The following CHLSN variants were observed in gnomAD, a reference collection of about 807,000 sequenced individuals.
CHLSN encodes the protein protein cholesin.
At chr7:1,114,675 G>A in the CHLSN span, among the ~76,000 whole-genome samples, 3 of 152,262 alleles carry the variant, frequency 2.0e-5, no homozygotes, top group Non-Finnish European at 4.4e-5. Context: ...GTGAGGGAAA[G>A]AGATGGTGAT....
At chr7:1,085,678 TAAAAAA>T in the CHLSN span, among the ~76,000 whole-genome samples, 1 of 129,320 alleles carries the variant, frequency 7.7e-6, no homozygotes, top group African/African-American at 2.9e-5. Context: ...ACAAAAAAAT[TAAAAAA>T]AAAAAAAAAA....
the CHLSN span, chr7:1,028,814 A>G: frequency 2.9e-6 from 2 of 682,764 alleles, no homozygotes; most frequent in Non-Finnish European, 3.4e-6. Context: ...ATCTGACTCC[A>G]TGGCCCCCAT....
chr7:1,013,928 A>G, the CHLSN span, among the ~76,000 whole-genome samples: 2 of 152,226 alleles, frequency 1.3e-5, no homozygotes, highest in East Asian at 3.8e-4. Context: ...AAAATGCATA[A>G]AACAATTCAA....
the CHLSN span, among the ~76,000 whole-genome samples, chr7:1,037,577 C>A: frequency 1.4e-5 from 2 of 146,680 alleles, no homozygotes; most frequent in Non-Finnish European, 3.1e-5. Flanking sequence ...AGTGCAGTGG[C>A]GTGAATCTCG....
the CHLSN span, among the ~76,000 whole-genome samples, chr7:994,850 C>T: frequency 3.9e-5 from 6 of 152,252 alleles, no homozygotes; most frequent in Admixed American, 2.0e-4. Context: ...CACAGCCCAT[C>T]GCTTATGGCC....
chr7:1,102,847 G>C, the CHLSN span, among the ~76,000 whole-genome samples: 59 of 152,256 alleles, frequency 3.9e-4, no homozygotes, highest in Non-Finnish European at 6.6e-4. Context: ...AGAATCAGGG[G>C]CTTCAGTAAG....
the CHLSN span, among the ~76,000 whole-genome samples, chr7:991,057 G>A: frequency 8.8e-4 from 133 of 151,784 alleles, 1 homozygote; most frequent in Non-Finnish European, 1.5e-3. Flanking sequence ...GGGGACCCTC[G>A]GGCCCCCGCC....
chr7:1,123,261 GT>G, the CHLSN span, among the ~76,000 whole-genome samples: 1 of 152,252 alleles, frequency 6.6e-6, no homozygotes, highest in African/African-American at 2.4e-5. This position sits in a 1 kb window ranked among gnomAD's most constrained non-coding sequence, Gnocchi z 4.4. Flanking sequence ...GGGCGATGAA[GT>G]TCCCATCACT....
chr7:1,071,916 C>T, the CHLSN span, among the ~76,000 whole-genome samples: 11 of 152,342 alleles, frequency 7.2e-5, no homozygotes, highest in African/African-American at 2.4e-4. Flanking sequence ...AGGCCCAGGC[C>T]GCACGGCCGC....
the CHLSN span, among the ~76,000 whole-genome samples, chr7:978,796 C>G: frequency 6.6e-6 from 1 of 152,276 alleles, no homozygotes; most frequent in Non-Finnish European, 1.5e-5. Flanking sequence ...GCACCCCAAG[C>G]TTAGCAGCAG....
chr7:1,032,716 C>A, the CHLSN span, among the ~76,000 whole-genome samples: 2 of 152,392 alleles, frequency 1.3e-5, no homozygotes, highest in East Asian at 3.9e-4. Flanking sequence ...CAGTGGTGCC[C>A]TTGGGCTGCT....
chr7:1,117,034 C>T, the CHLSN span, among the ~76,000 whole-genome samples: 2 of 93,924 alleles, frequency 2.1e-5, no homozygotes, highest in Non-Finnish European at 3.9e-5. Context: ...TACAGTTCTA[C>T]GGACCGGCTT....
the CHLSN span, among the ~76,000 whole-genome samples, chr7:1,136,279 T>TATATATAAATATATATAAAC: frequency 2.7e-5 from 3 of 110,062 alleles, no homozygotes; most frequent in African/African-American, 3.9e-5. Flanking sequence ...ATATATAAAA[T>TATATATAAATATATATAAAC]ATATATAAAT....
At chr7:1,103,128 G>A in the CHLSN span, among the ~76,000 whole-genome samples, 13 of 152,194 alleles carry the variant, frequency 8.5e-5, no homozygotes, top group African/African-American at 1.2e-4. Flanking sequence ...TCCGGGAGGC[G>A]CGGGTGCAGC....
At chr7:1,080,527 GAGGGAGGGGCTGACCACCC>G in the CHLSN span, among the ~76,000 whole-genome samples, 1 of 152,244 alleles carries the variant, frequency 6.6e-6, no homozygotes, top group African/African-American at 2.4e-5. Flanking sequence ...AGGTTGGGTG[GAGGGAGGGGCTGACCACCC>G]AGGGACGGGC....
At chr7:999,064 G>C in the CHLSN span, among the ~76,000 whole-genome samples, 4,681 of 152,224 alleles carry the variant, frequency 0.031, 91 homozygotes, top group African/African-American at 0.046. Context: ...AATTACAATA[G>C]TGTAAGATAA....
At chr7:1,052,839 C>T in the CHLSN span, among the ~76,000 whole-genome samples, 2 of 152,148 alleles carry the variant, frequency 1.3e-5, no homozygotes, top group African/African-American at 4.8e-5. The surrounding 1 kb of genome is among the most constrained non-coding windows in gnomAD (Gnocchi z 4.2). Context: ...GGCAGGCGGC[C>T]CTTCTCTGTG....
the CHLSN span, among the ~76,000 whole-genome samples, chr7:992,998 C>CG: frequency 5.3e-5 from 8 of 152,166 alleles, no homozygotes; most frequent in South Asian, 1.7e-3. Flanking sequence ...GCATAACAAG[C>CG]GGGGGAGGGG....
the CHLSN span, chr7:1,055,509 G>A: frequency 2.2e-6 from 1 of 452,114 alleles, no homozygotes; most frequent in East Asian, 7.0e-5. Flanking sequence ...GCCCGCAGGT[G>A]GGAGAGGGGA....
Sources: gnomAD v4.1 joint callset for allele counts (sites outside exome capture counted in the v4.1 genomes callset) on GRCh38, gnomAD v4.1.1 for gene constraint, Gnocchi (gnomAD v3.1) non-coding constraint, MANE v1.5 for transcripts, NCBI Gene and HGNC (gene_info 2026-07-23, HGNC 2026-07-21) for gene names.